The following NECAB1 variants were observed in gnomAD, a reference collection of about 807,000 sequenced individuals.
NECAB1 encodes the protein N-terminal EF-hand calcium binding protein 1, also known as N-terminal EF-hand calcium-binding protein 1.
In NECAB1, 29 loss-of-function variants were observed where a neutral mutation model predicts 57.5. That is an observed-to-expected ratio of 0.50 (90% CI 0.38 to 0.69). NECAB1 has a LOEUF of 0.69. NECAB1 is among the 30% of genes least tolerant of loss of function. The probability of loss-of-function intolerance (pLI) is 0.00; values close to 1 mark genes in which losing one functional copy is unlikely to be tolerated. For synonymous variants in NECAB1, 142 were observed against 147.7 expected, an observed-to-expected ratio of 0.96 and a Z score of 0.28; for missense variants, 372 against 413.8, an observed-to-expected ratio of 0.90 and a Z score of 0.88.
intron 3 of NECAB1, among the ~76,000 whole-genome samples, chr8:90,853,476 GA>G (rs35176584): frequency 4.0e-5 from 6 of 151,820 alleles, no homozygotes; most frequent in Non-Finnish European, 8.8e-5. Flanking sequence ...ATTTTAAATA[GA>G]AAAAAACTGA....
intron 3 of NECAB1, among the ~76,000 whole-genome samples, chr8:90,838,869 T>A (rs966201031): frequency 3.9e-5 from 6 of 152,214 alleles, no homozygotes; most frequent in African/African-American, 1.4e-4. Flanking sequence ...TGTCAGAAAT[T>A]TCCCTTTCAC....
Position 90,796,529 on chromosome 8 carries a change from A to G in NECAB1, c.99+4544A>G, listed in dbSNP as rs547636087. Among the ~76,000 whole-genome samples the G allele has an allele frequency of 6.6e-5, 10 of 152,342 alleles. No homozygotes were observed. In the South Asian group the frequency reaches 2.1e-3, roughly 32 times the overall value. ...TTACATTTTAACACCTGCCTTCAAT[A>G]ACTTAAAGTGATGAATAAGGAATTT... On this transcript the variant is annotated intron_variant, in intron 1 of 12. Transcript: ENST00000417640.
At chr8:90,882,140 CA>C (rs1207604411) in intron 5 of NECAB1, among the ~76,000 whole-genome samples, 2 of 151,962 alleles carry the variant, frequency 1.3e-5, no homozygotes, top group African/African-American at 2.4e-5. Context: ...GAAATAAAAA[CA>C]AAAAACCTCA....
chr8:90,866,822 A>G (rs1808525223), intron 3 of NECAB1, among the ~76,000 whole-genome samples: 2 of 152,226 alleles, frequency 1.3e-5, no homozygotes, highest in South Asian at 4.1e-4. Flanking sequence ...AAATTAGTTC[A>G]ACCATTGTGG....
intron 3 of NECAB1, among the ~76,000 whole-genome samples, chr8:90,849,414 A>G (rs1390481182): frequency 6.6e-6 from 1 of 151,340 alleles, no homozygotes; most frequent in African/African-American, 2.4e-5. Context: ...GACAGCAATG[A>G]GCTATGATTG....
At chr8:90,816,245 T>C (rs1032876567) in intron 2 of NECAB1, among the ~76,000 whole-genome samples, 3 of 151,958 alleles carry the variant, frequency 2.0e-5, no homozygotes, top group Admixed American at 2.0e-4. Context: ...TTGTATATTA[T>C]GGATATAAGT....
intron 3 of NECAB1, among the ~76,000 whole-genome samples, chr8:90,829,025 C>G (rs772061834): frequency 2.6e-5 from 4 of 152,004 alleles, no homozygotes; most frequent in Admixed American, 6.6e-5. Context: ...TATGCTTAAT[C>G]TTCCATTTTC....
chr8:90,819,707 C>T (rs922744316), intron 2 of NECAB1, among the ~76,000 whole-genome samples: 2 of 151,778 alleles, frequency 1.3e-5, no homozygotes, highest in African/African-American at 4.8e-5. Flanking sequence ...GGCGTGTGTG[C>T]CTGGGCTGAC....
chr8:90,955,761 AAC>A lies in NECAB1; in HGVS notation c.*250_*251del. 2.6e-6 allele frequency: 1 copy of A among 380,970 alleles called. No individual in the cohort carries two copies. Among genetic ancestry groups the A allele is most frequent in the South Asian group, 7.3e-5 (1 of 13,622 alleles). The allele number at this position is 380,970 out of a possible 1,614,324, so 23.6% of individuals were successfully genotyped here. On this transcript the variant is annotated 3_prime_UTR_variant, in exon 13 of 13. Transcript: ENST00000417640. ...CTTTGCTACATTGTAACTCACCTAA[AAC>A]CTTTTAGTGACAAAATCCTAATATG...
chr8:90,921,059 C>T (rs1810096953), intron 6 of NECAB1, among the ~76,000 whole-genome samples: 1 of 152,118 alleles, frequency 6.6e-6, no homozygotes, highest in Non-Finnish European at 1.5e-5. Context: ...CTCTGTAGCC[C>T]AGGATGGAGT....
At chr8:90,921,714 A>G (rs1329620943) in intron 6 of NECAB1, among the ~76,000 whole-genome samples, 3 of 152,144 alleles carry the variant, frequency 2.0e-5, no homozygotes, top group Non-Finnish European at 4.4e-5. Context: ...ACCTGCAGGT[A>G]TCATTAAAAT....
At chr8:90,955,128 A>ATATATG (rs2130285644) in intron 12 of NECAB1, among the ~76,000 whole-genome samples, 1 of 131,856 alleles carries the variant, frequency 7.6e-6, no homozygotes, top group East Asian at 2.4e-4. Flanking sequence ...ATATATATAT[A>ATATATG]TATATATATA....
At chr8:90,811,904 G>A (rs921774984) in intron 2 of NECAB1, among the ~76,000 whole-genome samples, 1 of 152,168 alleles carries the variant, frequency 6.6e-6, no homozygotes, top group Non-Finnish European at 1.5e-5. Context: ...AGCAACAACT[G>A]AGGGTTTGGA....
At chr8:90,896,997 G>T (rs1809367604) in intron 5 of NECAB1, among the ~76,000 whole-genome samples, 1 of 152,020 alleles carries the variant, frequency 6.6e-6, no homozygotes, top group South Asian at 2.1e-4. Flanking sequence ...AGAACCCCTT[G>T]CCCTCCCTTC....
chr8:90,896,963 CA>C (rs1809365302), intron 5 of NECAB1, among the ~76,000 whole-genome samples: 2 of 152,308 alleles, frequency 1.3e-5, no homozygotes, highest in South Asian at 4.1e-4. Flanking sequence ...GACACAGCAG[CA>C]GGGGTGACGT....
chr8:90,833,680 C>A (rs1396947789), intron 3 of NECAB1, among the ~76,000 whole-genome samples: 1 of 152,124 alleles, frequency 6.6e-6, no homozygotes, highest in Non-Finnish European at 1.5e-5. Context: ...CTTAAGTCAT[C>A]AATATCCACC....
chr8:90,927,874 C>T (rs1239746568), intron 7 of NECAB1, among the ~76,000 whole-genome samples: 1 of 151,338 alleles, frequency 6.6e-6, no homozygotes, highest in Non-Finnish European at 1.5e-5. Flanking sequence ...GCTCTTGCCA[C>T]TGACCTACAA....
chr8:90,819,804 C>T (rs967826601), intron 2 of NECAB1, among the ~76,000 whole-genome samples: 4 of 151,942 alleles, frequency 2.6e-5, no homozygotes, highest in African/African-American at 9.7e-5. Context: ...TGCCCGTCCT[C>T]TCAGGTGGGA....
chr8:90,893,496 G>A (rs974604935), intron 5 of NECAB1, among the ~76,000 whole-genome samples: 15 of 152,126 alleles, frequency 9.9e-5, no homozygotes, highest in African/African-American at 1.9e-4. Flanking sequence ...GCGACTTGGC[G>A]ACCACAATCC....
Sources: gnomAD v4.1 joint callset for allele counts (sites outside exome capture counted in the v4.1 genomes callset) on GRCh38, gnomAD v4.1.1 for gene constraint, MANE v1.5 for transcripts, NCBI Gene and HGNC (gene_info 2026-07-23, HGNC 2026-07-21) for gene names.